Variants in BRD9 observed in about 807,000 individuals in gnomAD.
BRD9 encodes bromodomain-containing protein 9.
Under a neutral mutation model 68.7 loss-of-function variants are expected in BRD9, and 47 were observed. The observed-to-expected ratio is 0.68, with a 90% CI of 0.54 to 0.87. The LOEUF (loss-of-function observed/expected upper bound fraction) is 0.87, where lower values mean the gene tolerates loss of function less well. Among genes scored for constraint, BRD9 ranks in the 40% least tolerant of loss-of-function variants. The pLI, the probability that BRD9 is intolerant of heterozygous loss-of-function variation, is 0.00. For missense variants in BRD9, 670 were observed against 748.4 expected (o/e 0.90, Z 1.22); for synonymous variants, 313 against 293.9 (o/e 1.06, Z -0.67).
intron 2 of BRD9, 145 bp downstream of exon 2, chr5:891,495 G>A: frequency 7.4e-7 from 1 of 1,351,264 alleles, no homozygotes; most frequent in Non-Finnish European, 9.8e-7. Context: ...TGAGTCTGCG[G>A]GCCTCAGCGG....
intron 5 of BRD9, among the ~76,000 whole-genome samples, chr5:887,857 C>T (rs1047533110): frequency 6.6e-6 from 1 of 152,226 alleles, no homozygotes; most frequent in East Asian, 1.9e-4. Context: ...CAGTGATAGC[C>T]TCTATCTCTA....
intron 12 of BRD9, among the ~76,000 whole-genome samples, chr5:874,159 G>A (rs756564112): frequency 2.6e-5 from 4 of 152,164 alleles, no homozygotes; most frequent in Non-Finnish European, 5.9e-5. Context: ...CTAGAGTGCG[G>A]TGGTGCAATC....
At chr5:881,616 G>C in intron 8 of BRD9, 1 of 240,412 alleles carries the variant, frequency 4.2e-6, no homozygotes, top group Non-Finnish European at 8.2e-6. Flanking sequence ...GGAGGATCCA[G>C]GAAGAGGAGG....
At chr5:865,097 G>A (rs1319040390) in intron 15 of BRD9, among the ~76,000 whole-genome samples, 1 of 152,212 alleles carries the variant, frequency 6.6e-6, no homozygotes, top group Non-Finnish European at 1.5e-5. Context: ...ACATGGCCAA[G>A]GAAGCCATGC....
At position 892,790 on chromosome 5, in the gene BRD9, C is replaced by T. The variant is rs951386249; in HGVS notation, c.-133G>A. On this transcript the variant is annotated 5_prime_UTR_variant, in exon 1 of 16. Coordinates refer to ENST00000467963, the MANE Select transcript of BRD9 (RefSeq NM_023924.5). Reference sequence around the variant, plus strand: ...GCCGAGGTTGCCGAGCTCGCTGGGCCGCGCCGGAAACGGGGCGAGGCGGGG... The same window carrying T: ...GCCGAGGTTGCCGAGCTCGCTGGGCTGCGCCGGAAACGGGGCGAGGCGGGG... 9.5e-7 allele frequency: 1 copy of T among 1,054,724 alleles called. No homozygotes were observed. Among genetic ancestry groups the T allele is most frequent in the Non-Finnish European group, 1.2e-6 (1 of 830,454 alleles). 65.3% of individuals were successfully genotyped at this position (1,054,724 alleles called of 1,614,324 possible). A position where few individuals can be genotyped will look rare whatever the true frequency, so the allele number is the denominator to read the frequency against.
In BRD9 at chr5:864,508, A is replaced by C; in HGVS notation, c.1754T>G (p.Phe585Cys). The change falls in exon 16 of 16, where the codon TTT becomes TGT. Residue 585 changes from phenylalanine (F) to cysteine (C), a missense_variant. Coordinates refer to ENST00000467963, the MANE Select transcript of BRD9 (RefSeq NM_023924.5). ...QPDVTHDPYE[F>C]LQSPEPAASA... is the part of the protein sequence containing the mutation. ...GGCCGCAGGCTCTGGAGACTGAAGA[A>C]ACTCATAGGGGTCGTGGGTGACGTC... 1 of 1,613,992 alleles carries C rather than the reference A, an allele frequency of 6.2e-7. No homozygotes were observed. The highest frequency in any genetic ancestry group is 1.1e-5 in the South Asian group (1 of 91,086).
Position 889,074 on chromosome 5 carries a change from T to A in BRD9, c.553A>T (p.Thr185Ser), listed in dbSNP as rs778580258. 2 of 1,610,742 alleles carry A rather than the reference T, an allele frequency of 1.2e-6. No individual in the cohort carries two copies. Among genetic ancestry groups the A allele is most frequent in the Admixed American group, 3.4e-5 (2 of 59,244 alleles). ...TTAGCTACAATTTTGTCTTTCATGG[T>A]GCCAAAATCCATGGGATGTTTTATT... ...MIIKHPMDFG[T>S]MKDKIVANEY... Residue 185 changes from threonine (T) to serine (S), a missense_variant, in exon 5 of 16, where the codon ACC (threonine) becomes TCC (serine). Physicochemically the swap from Thr to Ser is moderately conservative, Grantham distance 58. Around this residue, in one of 5 missense-constraint regions of BRD9, gnomAD observed 94 missense variants for 157.2 expected, o/e 0.60. Coordinates refer to ENST00000467963, the MANE Select transcript of BRD9 (RefSeq NM_023924.5).
Position 864,408 on chromosome 5 carries a change from C to A in BRD9, c.*60G>T. The A allele has an allele frequency of 2.1e-6, 3 of 1,416,452 alleles. No individual in the cohort carries two copies. The highest frequency in any genetic ancestry group is 1.4e-5 in the African/African-American group (1 of 69,262). 87.7% of individuals were successfully genotyped at this position (1,416,452 alleles called of 1,614,324 possible). A position where few individuals can be genotyped will look rare whatever the true frequency, so the allele number is the denominator to read the frequency against. On this transcript the variant is annotated 3_prime_UTR_variant, in exon 16 of 16. Transcript: ENST00000467963. ...CAAAGTCCTTGTCTGATGACAAAAA[C>A]TCTACACGTGCAAAATAAAACTAAA...
Position 884,025 on chromosome 5 carries a change from A to G in BRD9, c.879T>C (p.Ser293=), listed in dbSNP as rs755283945. The part of the protein sequence containing the change: ...PEGNACSLTD[S]TAEEHVLALV... ...GCGCCAGCACGTGCTCCTCTGCGGT[A>G]CTGTCCGTCAAGCTGCAGGCATTCC... The change falls in exon 8 of 16, where the codon AGT becomes AGC. Residue 293 remains serine, a synonymous_variant. Transcript: ENST00000467963. 1 of 1,613,882 alleles carries G rather than the reference A, an allele frequency of 6.2e-7. No individual in the cohort carries two copies. The highest frequency in any genetic ancestry group is 8.5e-7 in the Non-Finnish European group (1 of 1,180,030).
Position 884,056 on chromosome 5 carries a change from G to A in BRD9, c.848C>T (p.Pro283Leu), listed in dbSNP as rs1210855831. Reference protein sequence around the residue: ...SREVISCMFEPEGNACSLTDS... With the variant: ...SREVISCMFELEGNACSLTDS... ...CGTCAAGCTGCAGGCATTCCCTTCA[G>A]GCTCAAACATGCAGCTGTGAGGTGG... is the stretch of plus-strand genomic sequence containing the variant. Residue 283 changes from proline (P) to leucine (L), a missense_variant, in exon 8 of 16, where the codon CCT (proline) becomes CTT (leucine). This residue lies in a region of BRD9 where 135 missense variants were observed against 141.2 expected (regional missense o/e 0.96). Transcript: ENST00000467963. 2.5e-6 allele frequency: 4 copies of A among 1,613,508 alleles called. No individual in the cohort carries two copies. The highest frequency in any genetic ancestry group is 3.4e-6 in the Non-Finnish European group (4 of 1,179,988).
intron 10 of BRD9, 145 bp from the exon 11 acceptor site, chr5:878,632 A>C (rs41283151): frequency 1.2e-5 from 13 of 1,051,640 alleles, no homozygotes; most frequent in Non-Finnish European, 1.6e-5. Flanking sequence ...CAAAATTCTC[A>C]CTCCTGAGTT....
chr5:888,195 T>C (rs1752844411), intron 5 of BRD9: 1 of 152,782 alleles, frequency 6.5e-6, no homozygotes, highest in African/African-American at 2.4e-5. Flanking sequence ...AAGACTCCAC[T>C]GCGGACACTC....
At chr5:868,079 T>G (rs1481041947) in intron 14 of BRD9, among the ~76,000 whole-genome samples, 1 of 152,188 alleles carries the variant, frequency 6.6e-6, no homozygotes, top group Non-Finnish European at 1.5e-5. Context: ...CTGTTCTCTG[T>G]TCTCATGATA....
chr5:885,680 A>G (rs1752448210), intron 7 of BRD9, among the ~76,000 whole-genome samples: 1 of 152,210 alleles, frequency 6.6e-6, no homozygotes, highest in Admixed American at 6.5e-5. Flanking sequence ...TGTCAGACAC[A>G]CGGCCATGAG....
At chr5:881,038 C>A in intron 9 of BRD9, 69 bp downstream of exon 9, 2 of 1,508,144 alleles carry the variant, frequency 1.3e-6, no homozygotes, top group Non-Finnish European at 1.8e-6. Flanking sequence ...CTTTTCATTA[C>A]AGAATATCAA....
chr5:889,296 T>A, intron 4 of BRD9, 131 bp from the exon 5 acceptor site: 4 of 1,056,732 alleles, frequency 3.8e-6, no homozygotes, highest in Non-Finnish European at 5.4e-6. Flanking sequence ...GAGCGTCTTT[T>A]AATTTATTGT....
chr5:879,343 T>A, intron 10 of BRD9: 1 of 4,118 alleles, frequency 2.4e-4, no homozygotes, highest in Admixed American at 1.0e-3. Flanking sequence ...GCAGGAGCAG[T>A]GTCCATGCAG....
At chr5:872,221 C>G (rs1038571368) in intron 12 of BRD9, among the ~76,000 whole-genome samples, 2 of 152,232 alleles carry the variant, frequency 1.3e-5, no homozygotes, top group African/African-American at 4.8e-5. Flanking sequence ...GATCTTTGTT[C>G]GAAATAATGT....
rs1431613878 is a variant in BRD9 at position 892,303 on chromosome 5, G to C, written c.52+303C>G. ...GAAAGGCGGGAGAAAGGGCAGCCCA[G>C]CTTCTCCCTGAGCTCCACACAAAAG... On this transcript the variant is annotated intron_variant, in intron 1 of 15. Transcript: ENST00000467963. 6 of 556,266 alleles carry C rather than the reference G, an allele frequency of 1.1e-5. No individual in the cohort carries two copies. In the Admixed American group the frequency reaches 2.0e-4, roughly 18 times the overall value. 34.5% of individuals were successfully genotyped at this position (556,266 alleles called of 1,614,324 possible).
Sources: gnomAD v4.1 joint callset for allele counts (sites outside exome capture counted in the v4.1 genomes callset) on GRCh38, gnomAD v4.1.1 for gene constraint, gnomAD v4.1.1 regional missense constraint, MANE v1.5 for transcripts, NCBI Gene and HGNC (gene_info 2026-07-23, HGNC 2026-07-21) for gene names.